The following ABAT variants were observed in gnomAD, a reference collection of about 807,000 sequenced individuals.
ABAT encodes the protein 4-aminobutyrate aminotransferase, mitochondrial.
ABAT carries 45 observed loss-of-function variants against 64.6 expected under a neutral mutation model. That is an observed-to-expected ratio of 0.70 (90% CI 0.55 to 0.89). The LOEUF is 0.89. Among genes scored for constraint, ABAT ranks in the 40% least tolerant of loss-of-function variants. The probability of loss-of-function intolerance (pLI) is 0.00; values close to 1 mark genes in which losing one functional copy is unlikely to be tolerated. For missense variants in ABAT, 633 were observed against 658.4 expected (o/e 0.96, Z 0.42); for synonymous variants, 297 against 250.5 (o/e 1.19, Z -1.75).
chr16:8,759,520 G>GT (rs1567307763), intron 6 of ABAT, among the ~76,000 whole-genome samples: 3 of 151,836 alleles, frequency 2.0e-5, no homozygotes, highest in Admixed American at 1.3e-4. Context: ...TTGTTTGCTT[G>GT]TTTTTTTCTT....
At chr16:8,733,567 C>A (rs1026805497) in intron 1 of ABAT, among the ~76,000 whole-genome samples, 2 of 151,934 alleles carry the variant, frequency 1.3e-5, no homozygotes, top group African/African-American at 4.9e-5. Context: ...AACGAGACTC[C>A]GTCTGTAATC....
At chr16:8,763,962 C>A in intron 6 of ABAT, 107 bp from the exon 7 acceptor site, 1 of 927,834 alleles carries the variant, frequency 1.1e-6, no homozygotes, top group Non-Finnish European at 1.8e-6. Context: ...ATCCTGCAAC[C>A]CCATTTGGAG....
At chr16:8,688,868 G>A (rs560854964) in intron 1 of ABAT, among the ~76,000 whole-genome samples, 64 of 152,346 alleles carry the variant, frequency 4.2e-4, no homozygotes, top group Admixed American at 1.6e-3. Flanking sequence ...ACGAGGTCAG[G>A]AGTTCGAGAC....
Position 8,775,044 on chromosome 16 carries a change from T to A in ABAT, c.1109T>A (p.Phe370Tyr), listed in dbSNP as rs755726419. Residue 370 changes from phenylalanine to tyrosine, a missense_variant, in exon 13 of 16, where the codon TTC becomes TAC. By Grantham distance (22) the Phe-to-Tyr change is conservative (BLOSUM62 3). Transcript: ENST00000268251. ...GGGGGCTTCTTCCACAAGGAGGAGTTCAGGCCTAATGCTGTGAGTTGGAGC... is the reference window on the plus strand; with the variant it reads ...GGGGGCTTCTTCCACAAGGAGGAGTACAGGCCTAATGCTGTGAGTTGGAGC... ...MTGGFFHKEEFRPNAPYRIFN... is the reference protein window; with the variant it reads ...MTGGFFHKEEYRPNAPYRIFN... The A allele has an allele frequency of 2.5e-6, 4 of 1,614,216 alleles. No homozygotes were observed. The highest frequency in any genetic ancestry group is 2.5e-6 in the Non-Finnish European group (3 of 1,180,036).
chr16:8,781,204 TG>T lies in ABAT; in HGVS notation c.1382-103del. Reference sequence around the variant, plus strand: ...TGATGGAGGATGATGGATGGATGGATGGATGGATGGATGAGCGTTGCCAACA... The same window carrying T: ...TGATGGAGGATGATGGATGGATGGATGATGGATGGATGAGCGTTGCCAACA... On this transcript the variant is annotated intron_variant, in intron 15 of 15. Coordinates refer to ENST00000268251, the MANE Select transcript of ABAT (RefSeq NM_020686.6). The surrounding 1 kb of genome is among the most constrained non-coding windows in gnomAD (Gnocchi z 4.5). 1 of 1,555,444 alleles carries T rather than the reference TG, an allele frequency of 6.4e-7. No individual in the cohort carries two copies. Among genetic ancestry groups the T allele is most frequent in the Non-Finnish European group, 8.8e-7 (1 of 1,129,962 alleles).
chr16:8,715,951 G>C (rs80201369), intron 1 of ABAT, among the ~76,000 whole-genome samples: 4,298 of 152,226 alleles, frequency 0.028, 201 homozygotes, highest in African/African-American at 0.098. Flanking sequence ...AGATAATAGA[G>C]TGGGCACGAG....
intron 11 of ABAT, among the ~76,000 whole-genome samples, chr16:8,769,709 T>G (rs948848813): frequency 4.6e-5 from 7 of 152,166 alleles, no homozygotes; most frequent in African/African-American, 1.7e-4. Context: ...GGGGATGCTA[T>G]GGGAGAGGCT....
chr16:8,734,024 C>T (rs1178814860), intron 1 of ABAT, among the ~76,000 whole-genome samples: 1 of 152,082 alleles, frequency 6.6e-6, no homozygotes, highest in African/African-American at 2.4e-5. Flanking sequence ...CATATTTTTT[C>T]CCATTCATCT....
intron 1 of ABAT, among the ~76,000 whole-genome samples, chr16:8,733,147 C>A (rs578018242): frequency 6.6e-5 from 10 of 150,966 alleles, no homozygotes; most frequent in South Asian, 4.2e-4. Context: ...ACCTCCCTCC[C>A]GGACGGGGTG....
chr16:8,689,190 A>T (rs566986314), intron 1 of ABAT, among the ~76,000 whole-genome samples: 16 of 151,802 alleles, frequency 1.1e-4, no homozygotes, highest in Admixed American at 7.2e-4. Context: ...CCTAGGGTTG[A>T]TTTTTATGTA....
In ABAT at chr16:8,779,479, G is replaced by A. The variant is rs886052432; in HGVS notation, c.1270G>A (p.Ala424Thr). The A allele has an allele frequency of 6.2e-7, 1 of 1,613,904 alleles. No homozygotes were observed. ...CCAGCCTTGTCTCCTCCCACTACAG[G>A]CCCGGTACCCCCAGTTCATCAGCAG... ...ALLTGLLDLQARYPQFISRVR... is the reference protein window; with the variant it reads ...ALLTGLLDLQTRYPQFISRVR... Residue 424 changes from alanine to threonine, a missense_variant and splice_region_variant, in exon 15 of 16, where the codon GCC becomes ACC. By Grantham distance (58) the Ala-to-Thr change is moderately conservative. Transcript: ENST00000268251.
intron 2 of ABAT, among the ~76,000 whole-genome samples, chr16:8,741,964 A>G (rs1432771614): frequency 6.6e-6 from 1 of 152,258 alleles, no homozygotes; most frequent in Non-Finnish European, 1.5e-5. Context: ...GGGCCAGCCT[A>G]GCATTTTAGT....
chr16:8,734,903 C>T (rs2058867560), intron 1 of ABAT, among the ~76,000 whole-genome samples: 1 of 152,028 alleles, frequency 6.6e-6, no homozygotes, highest in African/African-American at 2.4e-5. Flanking sequence ...CTGCTCCAGG[C>T]TCCCAATAAG....
chr16:8,753,372 G>A (rs781120260), intron 5 of ABAT, among the ~76,000 whole-genome samples: 1 of 152,174 alleles, frequency 6.6e-6, no homozygotes, highest in Non-Finnish European at 1.5e-5. Flanking sequence ...TAGGAATACA[G>A]GCGTGAGCCA....
Position 8,764,692 on chromosome 16 carries a change from A to G in ABAT, c.448-46A>G. 1 of 1,548,884 alleles carries G rather than the reference A, an allele frequency of 6.5e-7. No homozygotes were observed. Among genetic ancestry groups the G allele is most frequent in the Non-Finnish European group, 8.9e-7 (1 of 1,120,964 alleles). On this transcript the variant is annotated intron_variant, in intron 7 of 15. Coordinates refer to ENST00000268251, the MANE Select transcript of ABAT (RefSeq NM_020686.6). This position sits in a 1 kb window ranked among gnomAD's most constrained non-coding sequence, Gnocchi z 4.2. ...CTCCAGCCAGGGGAAGCGGGAGGAC[A>G]GGAGTCATGATGAGCCTGGGCTCAC... is the stretch of plus-strand genomic sequence containing the variant.
intron 2 of ABAT, among the ~76,000 whole-genome samples, chr16:8,745,574 G>A (rs1321379292): frequency 6.6e-6 from 1 of 152,048 alleles, no homozygotes; most frequent in East Asian, 1.9e-4. Context: ...GTGCGTGCCT[G>A]TAATCCCAGG....
At chr16:8,777,249 C>G (rs1178452350) in intron 14 of ABAT, among the ~76,000 whole-genome samples, 1 of 151,578 alleles carries the variant, frequency 6.6e-6, no homozygotes, top group Non-Finnish European at 1.5e-5. Flanking sequence ...CTTTGAGAGT[C>G]CCCCAAGCAC....
chr16:8,709,362 AT>A (rs2142068198), intron 1 of ABAT, among the ~76,000 whole-genome samples: 1 of 15,614 alleles, frequency 6.4e-5, no homozygotes, highest in South Asian at 3.0e-3. Context: ...TTATTTATTT[AT>A]TTATTTATTT....
chr16:8,719,432 G>A (rs1299722079), intron 1 of ABAT, among the ~76,000 whole-genome samples: 1 of 152,170 alleles, frequency 6.6e-6, no homozygotes, highest in African/African-American at 2.4e-5. Context: ...GCTTGGATGT[G>A]AAGCCCTGTC....
Sources: gnomAD v4.1 joint callset for allele counts (sites outside exome capture counted in the v4.1 genomes callset) on GRCh38, gnomAD v4.1.1 for gene constraint, Gnocchi (gnomAD v3.1) non-coding constraint, MANE v1.5 for transcripts, NCBI Gene and HGNC (gene_info 2026-07-23, HGNC 2026-07-21) for gene names.